Variants in PLEKHA2 observed in about 807,000 individuals in gnomAD.
PLEKHA2 encodes the protein pleckstrin homology domain containing A2.
In PLEKHA2, 28 loss-of-function variants were observed where a neutral mutation model predicts 53.2. That is an observed-to-expected ratio of 0.53 (90% confidence interval 0.39 to 0.72). PLEKHA2 has a LOEUF of 0.72. PLEKHA2 is among the 30% of genes least tolerant of loss of function. The probability of loss-of-function intolerance (pLI) is 0.00; values close to 1 mark genes in which losing one functional copy is unlikely to be tolerated. For synonymous variants in PLEKHA2, 193 were observed against 196.4 expected (o/e 0.98, Z 0.14); for missense variants, 426 against 537.9 (o/e 0.79, Z 2.06).
chr8:38,968,662 A>G lies in PLEKHA2; in HGVS notation c.908A>G (p.His303Arg), dbSNP rs1241220539. The G allele has an allele frequency of 6.2e-7, 1 of 1,613,954 alleles. No individual in the cohort carries two copies. Among genetic ancestry groups the G allele is most frequent in the Admixed American group, 1.7e-5 (1 of 60,008 alleles). ...IGAAVQALKC[H>R]PRETSFSRSI... is the part of the protein sequence containing the mutation. ...GCAGCTGTCCAGGCCCTCAAGTGCC[A>G]CCCCAGAGTAAGTCACTTCCTTTCT... is the stretch of plus-strand genomic sequence containing the variant. Residue 303 changes from histidine (H) to arginine (R), a missense_variant, in exon 11 of 12, where the codon CAC (histidine) becomes CGC (arginine). Physicochemically the swap from His to Arg is conservative, Grantham distance 29. Coordinates refer to ENST00000617275, the MANE Select transcript of PLEKHA2 (RefSeq NM_021623.2).
intron 3 of PLEKHA2, among the ~76,000 whole-genome samples, chr8:38,940,710 A>G (rs1297057711): frequency 6.8e-6 from 1 of 147,382 alleles, no homozygotes; most frequent in Non-Finnish European, 1.5e-5. Context: ...CTATTGTGTT[A>G]TGGAGCCACC....
chr8:38,935,851 G>T, intron 2 of PLEKHA2, 143 bp from the exon 3 acceptor site: 1 of 703,764 alleles, frequency 1.4e-6, no homozygotes, highest in Admixed American at 2.1e-5. Flanking sequence ...TGTTTCACAG[G>T]TGAGGAATGC....
chr8:38,924,349 CAG>C (rs1244949413), intron 2 of PLEKHA2, among the ~76,000 whole-genome samples: 1 of 152,124 alleles, frequency 6.6e-6, no homozygotes, highest in Non-Finnish European at 1.5e-5. Context: ...GGCGCTGAGA[CAG>C]GGAGTCAGGC....
chr8:38,940,338 G>T (rs1241286958), intron 3 of PLEKHA2, among the ~76,000 whole-genome samples: 1 of 152,240 alleles, frequency 6.6e-6, no homozygotes, highest in Non-Finnish European at 1.5e-5. Flanking sequence ...GGCGGAGGTT[G>T]TAGTGAGCCA....
At position 38,969,918 on chromosome 8, in the gene PLEKHA2, A is replaced by G. The variant is rs1588284481; in HGVS notation, c.*135A>G. 1 of 1,261,794 alleles carries G rather than the reference A, an allele frequency of 7.9e-7. No individual in the cohort carries two copies. The highest frequency in any genetic ancestry group is 1.1e-6 in the Non-Finnish European group (1 of 932,016). 78.2% of individuals were successfully genotyped at this position (1,261,794 alleles called of 1,614,324 possible). On this transcript the variant is annotated 3_prime_UTR_variant, in exon 12 of 12. Transcript: ENST00000617275. ...CATATTCCTGTGGATGCTCTTTGGGAGGGAGGGGCCCATCCAGCTGGGCTG... is the reference window on the plus strand; with the variant it reads ...CATATTCCTGTGGATGCTCTTTGGGGGGGAGGGGCCCATCCAGCTGGGCTG...
intron 3 of PLEKHA2, among the ~76,000 whole-genome samples, chr8:38,937,032 C>A (rs1299407640): frequency 6.6e-6 from 1 of 152,168 alleles, no homozygotes; most frequent in Non-Finnish European, 1.5e-5. Context: ...AGTCTTGTAC[C>A]CTGGCTGGTC....
At chr8:38,967,497 A>G (rs907770864) in intron 10 of PLEKHA2, among the ~76,000 whole-genome samples, 5 of 151,990 alleles carry the variant, frequency 3.3e-5, no homozygotes, top group African/African-American at 1.2e-4. Flanking sequence ...CCTTTTCCCC[A>G]CATCCTTGTC....
At chr8:38,903,399 G>T (rs543888114) in intron 1 of PLEKHA2, among the ~76,000 whole-genome samples, 1 of 152,252 alleles carries the variant, frequency 6.6e-6, no homozygotes, top group African/African-American at 2.4e-5. Flanking sequence ...CCTTGTCATT[G>T]GTGCTTTCTT....
intron 7 of PLEKHA2, 65 bp downstream of exon 7, chr8:38,952,377 A>G (rs1834861785): frequency 1.3e-6 from 2 of 1,567,318 alleles, no homozygotes; most frequent in Non-Finnish European, 1.7e-6. Context: ...GGCTGTAGAC[A>G]TAGCAGAGGT....
chr8:38,958,027 A>G (rs1285228706), intron 10 of PLEKHA2, among the ~76,000 whole-genome samples: 1 of 152,202 alleles, frequency 6.6e-6, no homozygotes, highest in Non-Finnish European at 1.5e-5. Context: ...GACTTTTAGT[A>G]TTGAAACTGA....
At chr8:38,923,934 C>T (rs889721234) in intron 2 of PLEKHA2, among the ~76,000 whole-genome samples, 30 of 152,260 alleles carry the variant, frequency 2.0e-4, no homozygotes, top group Non-Finnish European at 3.8e-4. Context: ...TCACTGCAAC[C>T]TCCGCCTCCC....
intron 2 of PLEKHA2, among the ~76,000 whole-genome samples, chr8:38,919,090 T>G (rs190662013): frequency 3.0e-4 from 46 of 152,334 alleles, no homozygotes; most frequent in Middle Eastern, 3.4e-3. Flanking sequence ...ACTTCTTTGG[T>G]CTCCTGACTC....
intron 5 of PLEKHA2, among the ~76,000 whole-genome samples, chr8:38,947,799 T>G (rs1422200409): frequency 1.3e-4 from 20 of 151,734 alleles, no homozygotes; most frequent in Non-Finnish European, 8.8e-5. Context: ...TCTAAAAAGT[T>G]ACTTTCTGGC....
chr8:38,952,420 C>T, intron 7 of PLEKHA2, 108 bp downstream of exon 7: 1 of 1,469,708 alleles, frequency 6.8e-7, no homozygotes, highest in South Asian at 1.3e-5. Flanking sequence ...CCTCAGTCCT[C>T]CATGGAGCCT....
rs369490290 is a variant in PLEKHA2, at chr8:38,945,883, G to A, written c.248-241G>A. ...GCACACTGAGGCTGCTGTTAACATG[G>A]TCAGGTGTTGTTCCTGTGGCCAATG... On this transcript the variant is annotated intron_variant, in intron 4 of 11. Transcript: ENST00000617275. Among the ~76,000 whole-genome samples, 9 of 152,318 alleles carry A rather than the reference G, an allele frequency of 5.9e-5. No homozygotes were observed. The South Asian group carries it at 1.0e-3, about 18-fold the overall frequency.
At chr8:38,950,721 G>T in intron 5 of PLEKHA2, 129 bp from the exon 6 acceptor site, 1 of 1,142,738 alleles carries the variant, frequency 8.8e-7, no homozygotes, top group Non-Finnish European at 1.2e-6. Flanking sequence ...GGAAGGCTTG[G>T]GGAGGACACG....
At chr8:38,957,746 G>C (rs543777464) in intron 10 of PLEKHA2, among the ~76,000 whole-genome samples, 2 of 152,180 alleles carry the variant, frequency 1.3e-5, no homozygotes, top group East Asian at 1.9e-4. Flanking sequence ...CACTGTGTGC[G>C]GAAGGACAAA....
At chr8:38,913,746 C>T (rs1833989727) in intron 1 of PLEKHA2, among the ~76,000 whole-genome samples, 1 of 152,196 alleles carries the variant, frequency 6.6e-6, no homozygotes. Flanking sequence ...ATATGCTCCC[C>T]CGCCCCCAGC....
At chr8:38,945,976 A>T in intron 4 of PLEKHA2, 148 bp from the exon 5 acceptor site, 2 of 630,884 alleles carry the variant, frequency 3.2e-6, no homozygotes, top group Non-Finnish European at 5.6e-6. Flanking sequence ...ATCCAGGCAA[A>T]TGACTTAGCA....
Sources: allele counts gnomAD v4.1 joint callset (sites outside exome capture counted in the v4.1 genomes callset), GRCh38; gene constraint gnomAD v4.1.1; transcripts MANE v1.5; gene names NCBI Gene and HGNC (gene_info 2026-07-23, HGNC 2026-07-21).